PREX1: variants seen among roughly 807,000 people sequenced by gnomAD.
The protein encoded by PREX1 is phosphatidylinositol 3,4,5-trisphosphate-dependent Rac exchanger 1 protein.
In PREX1, 41 loss-of-function variants were observed where a neutral mutation model predicts 198.3. The observed-to-expected ratio is 0.21, with a 90% CI of 0.16 to 0.27. The LOEUF (loss-of-function observed/expected upper bound fraction) is 0.27. PREX1 is among the 10% of genes least tolerant of loss of function. The probability of loss-of-function intolerance (pLI) is 1.00; values close to 1 mark genes in which losing one functional copy is unlikely to be tolerated. For synonymous variants in PREX1, 843 were observed against 887.2 expected (o/e 0.95, Z 0.89); for missense variants, 1,620 against 2,200.7 (o/e 0.74, Z 5.28).
the PREX1 span, among the ~76,000 whole-genome samples, chr20:48,836,874 C>CCTGGG: frequency 7.0e-6 from 1 of 142,032 alleles, no homozygotes; most frequent in African/African-American, 2.6e-5. Context: ...CTGCACTCCA[C>CCTGGG]CTGGGCGACA....
Position 48,636,580 on chromosome 20 carries a change from G to A in PREX1, c.4050C>T (p.Tyr1350=). Residue 1350 remains tyrosine, a synonymous_variant, in exon 32 of 40, where the codon TAC becomes TAT. Transcript: ENST00000371941. Reference sequence around the variant, plus strand: ...TCTCCTCGTACTCGCCATTGTTGTTGTAGCGGTAGCCCAGGGCCGCCAGCA... The same window carrying A: ...TCTCCTCGTACTCGCCATTGTTGTTATAGCGGTAGCCCAGGGCCGCCAGCA... ...KQLLAALGYR[Y]NNNGEYEESS... is the part of the protein sequence containing the mutation. The A allele has an allele frequency of 6.2e-7, 1 of 1,611,958 alleles. No individual in the cohort carries two copies. The highest frequency in any genetic ancestry group is 8.5e-7 in the Non-Finnish European group (1 of 1,179,690).
Position 48,741,590 on chromosome 20 carries a change from T to C in PREX1, c.414+3435A>G, listed in dbSNP as rs1256467267. ...ACATGACAGAGTCCCTGTCCTCATG[T>C]TGTTTATATTCTAGGGAGAGACAGA... On this transcript the variant is annotated intron_variant, in intron 3 of 39. Transcript: ENST00000371941. Among the ~76,000 whole-genome samples the C allele has an allele frequency of 2.0e-5, 3 of 152,164 alleles. No homozygotes were observed. The East Asian group carries it at 5.8e-4, about 29-fold the overall frequency.
At chr20:48,743,972 C>G (rs2090094842) in intron 3 of PREX1, among the ~76,000 whole-genome samples, 1 of 151,502 alleles carries the variant, frequency 6.6e-6, no homozygotes, top group Non-Finnish European at 1.5e-5. Flanking sequence ...AGATGTGATC[C>G]CTTGGAGAAG....
At chr20:48,668,555 T>G (rs1349097841) in intron 14 of PREX1, among the ~76,000 whole-genome samples, 1 of 152,124 alleles carries the variant, frequency 6.6e-6, no homozygotes, top group African/African-American at 2.4e-5. Context: ...GCCTGTACCC[T>G]CCCGTCCACA....
At chr20:48,862,807 A>ATATATATATATATATATATGTGTGTGTG in the PREX1 span, among the ~76,000 whole-genome samples, 1 of 126,712 alleles carries the variant, frequency 7.9e-6, no homozygotes, top group Non-Finnish European at 1.6e-5. Context: ...ATATATATAT[A>ATATATATATATATATATATGTGTGTGTG]TATATACTAA....
Position 48,827,604 on chromosome 20 carries a change from G to C in PREX1, c.219+38C>G, listed in dbSNP as rs758347401. The C allele has an allele frequency of 8.2e-6, 10 of 1,226,194 alleles. No individual in the cohort carries two copies. Among genetic ancestry groups the C allele is most frequent in the South Asian group, 3.6e-5 (1 of 27,530 alleles). The allele number at this position is 1,226,194 out of a possible 1,614,324, so 76.0% of individuals were successfully genotyped here. On this transcript the variant is annotated intron_variant, in intron 1 of 39. Transcript: ENST00000371941. This position sits in a 1 kb window ranked among gnomAD's most constrained non-coding sequence, Gnocchi z 4.1. ...GGGACCGCAGCGGGGCGAGCGGCTGGAGGGAAAGCTGTCCCCAAGCTCCCG... is the reference window on the plus strand; with the variant it reads ...GGGACCGCAGCGGGGCGAGCGGCTGCAGGGAAAGCTGTCCCCAAGCTCCCG...
intron 11 of PREX1, among the ~76,000 whole-genome samples, chr20:48,680,720 G>A (rs141147570): frequency 2.0e-5 from 3 of 151,824 alleles, no homozygotes; most frequent in African/African-American, 4.8e-5. Flanking sequence ...TTACCTTCTC[G>A]GTGAGGCCTT....
intron 39 of PREX1, among the ~76,000 whole-genome samples, chr20:48,626,473 C>T (rs1014863328): frequency 7.2e-5 from 11 of 152,244 alleles, no homozygotes; most frequent in Non-Finnish European, 1.3e-4. Flanking sequence ...GATACTTAAC[C>T]TCTCTGTGCC....
At chr20:48,676,383 G>T in intron 13 of PREX1, 115 bp from the exon 14 acceptor site, 1 of 947,024 alleles carries the variant, frequency 1.1e-6, no homozygotes, top group Non-Finnish European at 1.7e-6. Context: ...AGGCTCTCTA[G>T]GCATTGGGCA....
the PREX1 span, among the ~76,000 whole-genome samples, chr20:48,836,902 CAAAAAA>C: frequency 3.6e-5 from 2 of 56,072 alleles, no homozygotes; most frequent in African/African-American, 1.6e-4. Flanking sequence ...ACTCTGTCTC[CAAAAAA>C]AAAAAAAAAA....
At chr20:48,672,954 T>C (rs886881856) in intron 14 of PREX1, among the ~76,000 whole-genome samples, 2 of 152,170 alleles carry the variant, frequency 1.3e-5, no homozygotes, top group Non-Finnish European at 2.9e-5. Flanking sequence ...ACAGGAGCTT[T>C]TGTCTGTCTT....
chr20:48,642,747 A>T, intron 27 of PREX1: 1 of 389,068 alleles, frequency 2.6e-6, no homozygotes, highest in Non-Finnish European at 4.6e-6. Flanking sequence ...TCCATTCTGC[A>T]AATGAGGGAC....
chr20:48,882,329 C>T, the PREX1 span, among the ~76,000 whole-genome samples: 11 of 151,470 alleles, frequency 7.3e-5, no homozygotes, highest in East Asian at 5.8e-4. Flanking sequence ...GGTGAAACCC[C>T]GTCTCTACTA....
intron 7 of PREX1, 93 bp from the exon 8 acceptor site, chr20:48,692,883 C>T: frequency 9.4e-7 from 1 of 1,064,350 alleles, no homozygotes; most frequent in Non-Finnish European, 1.5e-6. Context: ...CACTGAGGGG[C>T]ATCCAGGGGA....
chr20:48,813,176 T>A (rs1166202090), intron 1 of PREX1, among the ~76,000 whole-genome samples: 1 of 152,226 alleles, frequency 6.6e-6, no homozygotes, highest in Non-Finnish European at 1.5e-5. Context: ...TAACACAATG[T>A]GTTGGAACAA....
At chr20:48,782,803 T>C (rs1402481995) in intron 1 of PREX1, among the ~76,000 whole-genome samples, 1 of 152,172 alleles carries the variant, frequency 6.6e-6, no homozygotes, top group Non-Finnish European at 1.5e-5. Context: ...CAATAAAGGA[T>C]TCTCGCTCTC....
intron 14 of PREX1, among the ~76,000 whole-genome samples, chr20:48,668,142 GAC>G (rs2089651567): frequency 1.3e-5 from 2 of 151,284 alleles, no homozygotes; most frequent in African/African-American, 2.4e-5. Context: ...CCAAGTGTGT[GAC>G]ACGTGTGTGT....
At chr20:48,787,400 A>T (rs1012255182) in intron 1 of PREX1, among the ~76,000 whole-genome samples, 1 of 152,178 alleles carries the variant, frequency 6.6e-6, no homozygotes. Flanking sequence ...GAAAGAAAAA[A>T]GGCTGATTCC....
chr20:48,648,958 T>C (rs572389937), intron 25 of PREX1, among the ~76,000 whole-genome samples: 1 of 152,146 alleles, frequency 6.6e-6, no homozygotes, highest in Non-Finnish European at 1.5e-5. Flanking sequence ...GATGTTAAAA[T>C]TATAAAGTTC....
Sources: allele counts gnomAD v4.1 joint callset (sites outside exome capture counted in the v4.1 genomes callset), GRCh38; gene constraint gnomAD v4.1.1; non-coding constraint Gnocchi (gnomAD v3.1); transcripts MANE v1.5; gene names NCBI Gene and HGNC (gene_info 2026-07-23, HGNC 2026-07-21).